TRPM7: variants seen among roughly 807,000 people sequenced by gnomAD.
TRPM7 encodes the protein LTRPC ion channel family member 7.
A neutral mutation model predicts 229.7 loss-of-function variants in TRPM7; 134 were observed. That is an observed-to-expected ratio of 0.58 (90% CI 0.51 to 0.67). The LOEUF is 0.67. Among genes scored for constraint, TRPM7 ranks in the 30% least tolerant of loss-of-function variants. TRPM7 has a pLI of 0.00. For missense variants in TRPM7, 1,901 were observed against 2,210.0 expected, an observed-to-expected ratio of 0.86 and a Z score of 2.80; for synonymous variants, 699 against 715.2, an observed-to-expected ratio of 0.98 and a Z score of 0.36.
intron 3 of TRPM7, among the ~76,000 whole-genome samples, chr15:50,655,102 T>C (rs1244379911): frequency 6.9e-6 from 1 of 144,804 alleles, no homozygotes; most frequent in African/African-American, 2.5e-5. Flanking sequence ...ATAGAAATTA[T>C]TCAATACATC....
Position 50,679,536 on chromosome 15 carries a change from A to ATT in TRPM7, c.3+6994_3+6995insAA, listed in dbSNP as rs1269564931. On this transcript the variant is annotated intron_variant, in intron 1 of 38. Coordinates refer to ENST00000646667, the MANE Select transcript of TRPM7 (RefSeq NM_017672.6). ...AATATATATATATATATATATATAT[A>ATT]TATTTTTTTTTTTTTTTGAGACAGA... is the stretch of plus-strand genomic sequence containing the variant. Among the ~76,000 whole-genome samples, 22 of 48,954 alleles carry ATT rather than the reference A, an allele frequency of 4.5e-4. 1 individual carries two copies. The highest frequency in any genetic ancestry group is 2.8e-3 in the African/African-American group (20 of 7,168). 32.1% of individuals were successfully genotyped at this position (48,954 alleles called of 152,430 possible).
chr15:50,580,338 T>C (rs960476155), intron 30 of TRPM7, among the ~76,000 whole-genome samples: 1 of 152,194 alleles, frequency 6.6e-6, no homozygotes, highest in Non-Finnish European at 1.5e-5. Flanking sequence ...AAGTTTTACT[T>C]TCTGGGGACA....
intron 1 of TRPM7, among the ~76,000 whole-genome samples, chr15:50,664,308 CAAAAA>C (rs36108092): frequency 1.7e-5 from 1 of 58,926 alleles, no homozygotes; most frequent in Non-Finnish European, 3.5e-5. Flanking sequence ...GACTCCGTCT[CAAAAA>C]AAAAAAAAAA....
chr15:50,632,985 G>A lies in TRPM7; in HGVS notation c.1015C>T (p.Pro339Ser). 2.5e-6 allele frequency: 4 copies of A among 1,578,920 alleles called. No homozygotes were observed. Among genetic ancestry groups the A allele is most frequent in the Non-Finnish European group, 3.4e-6 (4 of 1,170,352 alleles). Residue 339 changes from proline (P) to serine (S), a missense_variant, in exon 9 of 39, where the codon CCT becomes TCT. Physicochemically the swap from Pro to Ser is moderately conservative, Grantham distance 74. Around this residue, in one of 8 missense-constraint regions of TRPM7, gnomAD observed 794 missense variants for 881.9 expected, o/e 0.90. Transcript: ENST00000646667. ...HKQTEEGGNL[P>S]DAAEPDIIST... ...ATAATATCGGGCTCTGCTGCATCAG[G>A]AAGATTCCTGGAATAAAAGGAAACA...
At chr15:50,587,405 CTTTTTTTTT>C (rs34826776) in intron 27 of TRPM7, among the ~76,000 whole-genome samples, 1 of 91,646 alleles carries the variant, frequency 1.1e-5, no homozygotes, top group African/African-American at 4.1e-5. Context: ...ATAAATACTG[CTTTTTTTTT>C]TTTTTTTTTT....
rs1469492480 is a variant in TRPM7 at position 50,609,665 on chromosome 15, T to G, written c.2496A>C (p.Ile832=). The change falls in exon 19 of 39, where the codon ATA becomes ATC. Residue 832 remains isoleucine (I), a synonymous_variant. Coordinates refer to ENST00000646667, the MANE Select transcript of TRPM7 (RefSeq NM_017672.6). ...DSNEGKNEME[I]QMKSKKLPIT... ...TTGGAAGCTTTTTTGATTTCATTTG[T>G]ATCTCCATCTCATTCTTTCCTTCAT... 2 of 1,612,166 alleles carry G rather than the reference T, an allele frequency of 1.2e-6. No homozygotes were observed. The highest frequency in any genetic ancestry group is 1.7e-6 in the Non-Finnish European group (2 of 1,178,958).
At chr15:50,573,276 C>T (rs139205127) in intron 36 of TRPM7, among the ~76,000 whole-genome samples, 3 of 152,278 alleles carry the variant, frequency 2.0e-5, no homozygotes, top group African/African-American at 7.2e-5. Context: ...CTGGGCCTAG[C>T]CTTAAGAGGT....
At chr15:50,684,301 G>C (rs150120163) in intron 1 of TRPM7, among the ~76,000 whole-genome samples, 3 of 151,776 alleles carry the variant, frequency 2.0e-5, no homozygotes, top group South Asian at 2.1e-4. Flanking sequence ...TACCACGCCC[G>C]ATTACTGATC....
In TRPM7 at chr15:50,645,479, G is replaced by A. The variant is rs534544791; in HGVS notation, c.322-1926C>T. On this transcript the variant is annotated intron_variant, in intron 4 of 38. Coordinates refer to ENST00000646667, the MANE Select transcript of TRPM7 (RefSeq NM_017672.6). ...GCAGAGTAGCTGGGATTATAGGTGC[G>A]CACCACCAGGCCCAGCTACTTTTTG... Among the ~76,000 whole-genome samples the A allele has an allele frequency of 7.2e-5, 11 of 152,008 alleles. No homozygotes were observed. The East Asian group carries it at 1.2e-3, about 16-fold the overall frequency.
Position 50,657,779 on chromosome 15 carries a change from A to G in TRPM7, c.122+2T>C, listed in dbSNP as rs891174523. On this transcript the variant is annotated splice_donor_variant, in intron 3 of 38. Coordinates refer to ENST00000646667, the MANE Select transcript of TRPM7 (RefSeq NM_017672.6). LOFTEE classifies it high-confidence loss of function. Reference sequence around the variant, plus strand: ...TGTGCGGTATAGTTATGTTAAACTTACCTGACGAGTTGCTGACAAATTTGA... The same window carrying G: ...TGTGCGGTATAGTTATGTTAAACTTGCCTGACGAGTTGCTGACAAATTTGA... 6.2e-7 allele frequency: 1 copy of G among 1,611,606 alleles called. No homozygotes were observed. Among genetic ancestry groups the G allele is most frequent in the Non-Finnish European group, 8.5e-7 (1 of 1,178,462 alleles).
intron 2 of TRPM7, among the ~76,000 whole-genome samples, chr15:50,662,311 A>G (rs1277735824): frequency 6.6e-6 from 1 of 150,654 alleles, no homozygotes; most frequent in Non-Finnish European, 1.5e-5. Context: ...TGGACGACAG[A>G]GCAAGACTCT....
At chr15:50,581,877 C>CTT (rs957659677) in intron 29 of TRPM7, among the ~76,000 whole-genome samples, 2 of 147,164 alleles carry the variant, frequency 1.4e-5, no homozygotes, top group African/African-American at 5.0e-5. Context: ...TGTAGTTTAT[C>CTT]TTTTTTTTTT....
At chr15:50,632,722 C>T in intron 9 of TRPM7, 147 bp downstream of exon 9, 1 of 738,514 alleles carries the variant, frequency 1.4e-6, no homozygotes, top group Non-Finnish European at 2.0e-6. Context: ...TTGAACAGAC[C>T]AATAAATGAC....
In TRPM7 at chr15:50,666,827, G is replaced by A. The variant is rs28673892; in HGVS notation, c.4-3781C>T. On this transcript the variant is annotated intron_variant, in intron 1 of 38. Transcript: ENST00000646667. ...CAAAAAAAAAGAAGAGGCGGTGGAG[G>A]TGGCAGCACAAGTAATAGTAAGACT... 7.9e-3 allele frequency among the ~76,000 whole-genome samples: 1,205 copies of A among 152,238 alleles called. 21 individuals are homozygous for A. Among genetic ancestry groups the A allele is most frequent in the African/African-American group, 0.028 (1,150 of 41,552 alleles).
intron 26 of TRPM7, among the ~76,000 whole-genome samples, chr15:50,591,457 C>A (rs2140357556): frequency 6.6e-6 from 1 of 151,802 alleles, no homozygotes; most frequent in East Asian, 1.9e-4. Context: ...ACTCTTATAG[C>A]CTAATTCAGT....
intron 36 of TRPM7, among the ~76,000 whole-genome samples, chr15:50,572,873 C>T (rs2053956513): frequency 6.6e-6 from 1 of 152,144 alleles, no homozygotes. Flanking sequence ...CAATTGTTCT[C>T]ATGTGATTTA....
intron 5 of TRPM7, among the ~76,000 whole-genome samples, chr15:50,642,903 T>C (rs879462883): frequency 6.6e-6 from 1 of 152,164 alleles, no homozygotes; most frequent in African/African-American, 2.4e-5. Context: ...GGTTCGATTA[T>C]CATTTTTACC....
intron 2 of TRPM7, among the ~76,000 whole-genome samples, chr15:50,658,980 C>A (rs923478075): frequency 2.0e-5 from 3 of 152,098 alleles, no homozygotes; most frequent in African/African-American, 4.8e-5. Context: ...GGGAGGATCA[C>A]GAGGTCAGGA....
chr15:50,679,830 C>T (rs963215575), intron 1 of TRPM7, among the ~76,000 whole-genome samples: 3 of 152,114 alleles, frequency 2.0e-5, no homozygotes, highest in African/African-American at 7.2e-5. Context: ...CCACCATGCC[C>T]AGTCTTTTCC....
Sources: allele counts gnomAD v4.1 joint callset (sites outside exome capture counted in the v4.1 genomes callset), GRCh38; gene constraint gnomAD v4.1.1; regional missense constraint gnomAD v4.1.1; transcripts MANE v1.5; gene names NCBI Gene and HGNC (gene_info 2026-07-23, HGNC 2026-07-21).